AP3D1: variants seen among roughly 807,000 people sequenced by gnomAD.
The protein encoded by AP3D1 is AP-3 complex subunit delta-1.
AP3D1 carries 51 observed loss-of-function variants against 147.6 expected under a neutral mutation model. The observed-to-expected ratio is 0.35, with a 90% CI of 0.28 to 0.44. The LOEUF is 0.44. AP3D1 is among the 20% of genes least tolerant of loss of function. The pLI, the probability that AP3D1 is intolerant of heterozygous loss-of-function variation, is 1.00. For missense variants in AP3D1, 1,421 were observed against 1,624.2 expected (o/e 0.87, Z 2.15); for synonymous variants, 760 against 663.0 (o/e 1.15, Z -2.25).
intron 31 of AP3D1, among the ~76,000 whole-genome samples, chr19:2,105,239 C>T (rs1322540010): frequency 1.3e-5 from 2 of 152,106 alleles, no homozygotes; most frequent in African/African-American, 4.8e-5. Context: ...GGGAGCAGGC[C>T]CCCCAAAATC....
At chr19:2,162,959 C>G (rs919359648) in intron 1 of AP3D1, among the ~76,000 whole-genome samples, 3 of 152,222 alleles carry the variant, frequency 2.0e-5, no homozygotes, top group African/African-American at 7.2e-5. Flanking sequence ...TTAAAGAGAT[C>G]TAACTTCACC....
chr19:2,115,284 T>G lies in AP3D1; in HGVS notation c.2284A>C (p.Thr762Pro), dbSNP rs768821880. Residue 762 changes from threonine to proline, a missense_variant, in exon 20 of 32, where the codon ACG (threonine) becomes CCG (proline). Physicochemically the swap from Thr to Pro is conservative, Grantham distance 38. Transcript: ENST00000643116. ...KGKRRHSSLP[T>P]ESDEDIAPAQ... ...GGGGCGATGTCCTCGTCGCTCTCCG[T>G]GGGCAGCGAGCTGTGGCGGCGCTTG... 6.2e-7 allele frequency: 1 copy of G among 1,613,462 alleles called. No homozygotes were observed. Among genetic ancestry groups the G allele is most frequent in the Admixed American group, 1.7e-5 (1 of 60,032 alleles).
At position 2,114,145 on chromosome 19, in the gene AP3D1, T is replaced by C. The variant is rs777682944; in HGVS notation, c.2581A>G (p.Lys861Glu). Reference protein sequence around the residue: ...HKEKERDKEKKKEKEKKAEDL... With the variant: ...HKEKERDKEKEKEKEKKAEDL... ...CTTACCTTCTTCTCCTTCTCCTTCT[T>C]CTTCTCCTTGTCTCTCTCTTTCTCT... The change falls in exon 22 of 32, where the codon AAG (lysine) becomes GAG (glutamate). Residue 861 changes from lysine to glutamate, a missense_variant. Around this residue, in one of 6 missense-constraint regions of AP3D1, gnomAD observed 791 missense variants for 761.4 expected, o/e 1.04. Transcript: ENST00000643116. 2.6e-5 allele frequency: 41 copies of C among 1,561,600 alleles called. No individual in the cohort carries two copies. Among genetic ancestry groups the C allele is most frequent in the African/African-American group, 1.8e-4 (13 of 73,078 alleles).
At chr19:2,114,990 G>A (rs1244190822) in intron 20 of AP3D1, among the ~76,000 whole-genome samples, 169 bp from the exon 21 acceptor site, 3 of 152,210 alleles carry the variant, frequency 2.0e-5, no homozygotes, top group East Asian at 3.9e-4. Flanking sequence ...GGGCGGCTGG[G>A]CCCCAGGACG....
intron 1 of AP3D1, among the ~76,000 whole-genome samples, chr19:2,139,575 T>A (rs575768511): frequency 1.3e-5 from 2 of 152,182 alleles, no homozygotes; most frequent in Non-Finnish European, 2.9e-5. Context: ...GCCGAGTCGA[T>A]GCCATGCTGG....
Position 2,110,785 on chromosome 19 carries a change from A to T in AP3D1, c.3097T>A (p.Ser1033Thr). 1 of 1,613,288 alleles carries T rather than the reference A, an allele frequency of 6.2e-7. No homozygotes were observed. Among genetic ancestry groups the T allele is most frequent in the Non-Finnish European group, 8.5e-7 (1 of 1,179,978 alleles). The change falls in exon 27 of 32, where the codon TCA becomes ACA. Residue 1033 changes from serine (S) to threonine (T), a missense_variant. Ser to Thr is a moderately conservative substitution (Grantham distance 58). Coordinates refer to ENST00000643116, the MANE Select transcript of AP3D1 (RefSeq NM_001261826.3). ...GGCCGGGCCATCCTGGCATTGAGTG[A>T]GTCCAGCACGCTGAGCTCCATGCCC... ...LKGMELSVLD[S>T]LNARMARPQG...
chr19:2,104,345 G>A (rs1363000954), intron 31 of AP3D1, among the ~76,000 whole-genome samples: 14 of 43,736 alleles, frequency 3.2e-4, no homozygotes, highest in African/African-American at 1.3e-3. Context: ...TGCCGAGACC[G>A]CAACACTGAG....
intron 24 of AP3D1, chr19:2,112,617 A>C: frequency 2.3e-6 from 1 of 426,854 alleles, no homozygotes; most frequent in Non-Finnish European, 4.2e-6. Flanking sequence ...GAATATACAG[A>C]AAACCACTGT....
rs190568269 is a variant in AP3D1 at position 2,146,113 on chromosome 19, T to C, written c.96+5126A>G. ...AACCACCCACATGTCCGACTATGTA[T>C]GGAAGCTGTGTGTAAACAACAGAGC... is the stretch of plus-strand genomic sequence containing the variant. On this transcript the variant is annotated intron_variant, in intron 1 of 31. Coordinates refer to ENST00000643116, the MANE Select transcript of AP3D1 (RefSeq NM_001261826.3). Among the ~76,000 whole-genome samples the C allele has an allele frequency of 2.9e-3, 443 of 152,290 alleles. 1 individual carries two copies. The highest frequency in any genetic ancestry group is 9.9e-3 in the African/African-American group (413 of 41,564).
chr19:2,140,796 G>GTC, intron 1 of AP3D1, among the ~76,000 whole-genome samples: 3 of 122,200 alleles, frequency 2.5e-5, no homozygotes, highest in African/African-American at 9.4e-5. Flanking sequence ...GTCTCGCTCT[G>GTC]ATGCCAGGCT....
At chr19:2,137,469 C>T (rs2019107335) in intron 3 of AP3D1, among the ~76,000 whole-genome samples, 1 of 152,056 alleles carries the variant, frequency 6.6e-6, no homozygotes, top group African/African-American at 2.4e-5. Flanking sequence ...GCGTGCGCCA[C>T]CACGCCCCAC....
Position 2,121,799 on chromosome 19 carries a change from G to A in AP3D1, c.1036C>T (p.Leu346=), listed in dbSNP as rs766599442. Residue 346 remains leucine, a synonymous_variant, in exon 12 of 32, where the codon CTG becomes TTG. Transcript: ENST00000643116. ...KSVQSHKDLI[L]QCLDDKDESI... is the part of the protein sequence containing the mutation. ...TCGTCCTTGTCGTCCAGGCACTGCA[G>A]GATGAGGTCCTTGTGGGACTGCACG... 4 of 1,613,508 alleles carry A rather than the reference G, an allele frequency of 2.5e-6. No individual in the cohort carries two copies. Among genetic ancestry groups the A allele is most frequent in the Admixed American group, 1.7e-5 (1 of 59,868 alleles).
chr19:2,120,598 T>C (rs2018581758), intron 14 of AP3D1, among the ~76,000 whole-genome samples: 2 of 152,148 alleles, frequency 1.3e-5, no homozygotes, highest in South Asian at 2.1e-4. Context: ...CCAGTCCTAG[T>C]GCCCACGGGA....
chr19:2,110,080 G>A (rs1195753781), intron 28 of AP3D1, 56 bp downstream of exon 28: 13 of 1,593,654 alleles, frequency 8.2e-6, no homozygotes, highest in African/African-American at 1.3e-5. Context: ...CGATGGGGCA[G>A]GAGGAGCCCC....
chr19:2,156,872 AC>A (rs1160016655), intron 1 of AP3D1, among the ~76,000 whole-genome samples: 1 of 146,806 alleles, frequency 6.8e-6, no homozygotes, highest in Non-Finnish European at 1.5e-5. Context: ...ATAAAACAAA[AC>A]TAAACAAAAA....
chr19:2,112,835 G>A (rs1430546003), intron 24 of AP3D1, 25 bp downstream of exon 24: 2 of 1,584,324 alleles, frequency 1.3e-6, no homozygotes, highest in Non-Finnish European at 1.7e-6. Context: ...GCCCTCCACA[G>A]CCCCTGGGGG....
At chr19:2,111,571 T>C in intron 25 of AP3D1, 108 bp downstream of exon 25, 1 of 1,407,800 alleles carries the variant, frequency 7.1e-7, no homozygotes, top group Non-Finnish European at 9.5e-7. Flanking sequence ...CTCGGCTTCT[T>C]CTCGAATCTG....
chr19:2,132,077 G>A (rs1471519175), intron 5 of AP3D1, among the ~76,000 whole-genome samples: 2 of 152,102 alleles, frequency 1.3e-5, no homozygotes, highest in African/African-American at 2.4e-5. Context: ...TGTCACAGCC[G>A]GGGGCGTAGC....
intron 1 of AP3D1, among the ~76,000 whole-genome samples, chr19:2,148,574 G>T (rs1405290935): frequency 6.6e-6 from 1 of 152,204 alleles, no homozygotes; most frequent in Non-Finnish European, 1.5e-5. Flanking sequence ...CAGCGCTCTG[G>T]CGCTTCCAGA....
Sources: gnomAD v4.1 joint callset for allele counts (sites outside exome capture counted in the v4.1 genomes callset) on GRCh38, gnomAD v4.1.1 for gene constraint, gnomAD v4.1.1 regional missense constraint, MANE v1.5 for transcripts, NCBI Gene and HGNC (gene_info 2026-07-23, HGNC 2026-07-21) for gene names.